The following SLC5A11 variants were observed in gnomAD, a reference collection of about 807,000 sequenced individuals.
SLC5A11 encodes sodium/myo-inositol cotransporter 2.
In SLC5A11, 48 loss-of-function variants were observed where a neutral mutation model predicts 69.8. The ratio of observed to expected loss-of-function variants is 0.69; its 90% CI spans 0.55 to 0.87. The LOEUF (loss-of-function observed/expected upper bound fraction) is 0.87, where lower values mean the gene tolerates loss of function less well. Among genes scored for constraint, SLC5A11 ranks in the 40% least tolerant of loss-of-function variants. SLC5A11 has a pLI of 0.00. For synonymous variants in SLC5A11, 319 were observed against 342.4 expected (o/e 0.93, Z 0.75); for missense variants, 784 against 866.1 (o/e 0.91, Z 1.19).
At chr16:24,882,912 C>G (rs1406075803) in intron 7 of SLC5A11, among the ~76,000 whole-genome samples, 1 of 152,162 alleles carries the variant, frequency 6.6e-6, no homozygotes, top group Non-Finnish European at 1.5e-5. Flanking sequence ...TCCCAAAGTG[C>G]TGGGATTACA....
At chr16:24,889,488 C>T (rs1166906706) in intron 8 of SLC5A11, among the ~76,000 whole-genome samples, 2 of 138,460 alleles carry the variant, frequency 1.4e-5, no homozygotes, top group African/African-American at 5.4e-5. Context: ...TCTCTAAGAA[C>T]AAAACAAAAC....
intron 3 of SLC5A11, among the ~76,000 whole-genome samples, chr16:24,869,510 G>A (rs2047138874): frequency 6.6e-6 from 1 of 152,088 alleles, no homozygotes; most frequent in African/African-American, 2.4e-5. Context: ...AGCAGATCTG[G>A]GGGAGTAACA....
At chr16:24,877,485 G>A (rs554186629) in intron 7 of SLC5A11, 122 bp downstream of exon 8, 34 of 688,042 alleles carry the variant, frequency 4.9e-5, no homozygotes, top group African/African-American at 1.8e-5. Flanking sequence ...TTCATTAAAC[G>A]TCACTCCTTT....
exon 13 of SLC5A11, chr16:24,908,131 G>A (rs1192948053): frequency 6.3e-7 from 1 of 1,584,164 alleles, no homozygotes; most frequent in Non-Finnish European, 8.6e-7. Context: ...CCAATGAAAA[G>A]GTAGCTCTGG....
intron 9 of SLC5A11, among the ~76,000 whole-genome samples, chr16:24,897,007 C>A (rs998350861): frequency 3.1e-5 from 4 of 130,302 alleles, no homozygotes; most frequent in Non-Finnish European, 4.6e-5. Flanking sequence ...GGCTGAAGTG[C>A]AGTGGTGCGA....
chr16:24,906,617 G>A, intron 10 of SLC5A11, 40 bp from the exon 12 acceptor site: 1 of 1,433,902 alleles, frequency 7.0e-7, no homozygotes, highest in Non-Finnish European at 9.6e-7. Flanking sequence ...GGGCTCTGGG[G>A]GCCTGACTGC....
intron 8 of SLC5A11, among the ~76,000 whole-genome samples, chr16:24,890,498 A>G (rs1597204738): frequency 1.3e-5 from 1 of 77,474 alleles, no homozygotes; most frequent in South Asian, 5.9e-4. Flanking sequence ...AAAAAAAAAA[A>G]AAAAAAAAAA....
intron 1 of SLC5A11, among the ~76,000 whole-genome samples, chr16:24,855,750 T>G (rs1241921030): frequency 6.6e-6 from 1 of 152,174 alleles, no homozygotes; most frequent in African/African-American, 2.4e-5. Flanking sequence ...ATCTACCATA[T>G]GAGGACATAG....
chr16:24,879,953 G>C (rs1273883723), intron 7 of SLC5A11, among the ~76,000 whole-genome samples: 5 of 152,056 alleles, frequency 3.3e-5, no homozygotes, highest in Non-Finnish European at 7.4e-5. Context: ...CCATGTCTTT[G>C]CTATTGTGCG....
exon 9 of SLC5A11, chr16:24,890,910 T>G: frequency 1.2e-6 from 2 of 1,614,164 alleles, no homozygotes; most frequent in South Asian, 2.2e-5. Flanking sequence ...GAAGGAGAAG[T>G]ACTTCTTGGC....
chr16:24,896,991 C>T (rs1037696021), intron 9 of SLC5A11, among the ~76,000 whole-genome samples: 16 of 131,550 alleles, frequency 1.2e-4, no homozygotes, highest in African/African-American at 3.2e-4. Context: ...CTCACTCTAT[C>T]GCCCAGGCTG....
chr16:24,905,281 A>AC (rs1229433463), intron 10 of SLC5A11, among the ~76,000 whole-genome samples: 1 of 147,394 alleles, frequency 6.8e-6, no homozygotes, highest in Non-Finnish European at 1.5e-5. Context: ...AAAAAAAAAA[A>AC]AAAAAAAAAA....
At chr16:24,851,752 C>T (rs1037775229) in intron 1 of SLC5A11, among the ~76,000 whole-genome samples, 6 of 152,108 alleles carry the variant, frequency 3.9e-5, no homozygotes, top group Non-Finnish European at 7.4e-5. Context: ...AACCTCATTT[C>T]GTAGATGGGA....
exon 12 of SLC5A11, chr16:24,907,140 T>C (rs756181461): frequency 6.2e-7 from 1 of 1,614,056 alleles, no homozygotes; most frequent in Non-Finnish European, 8.5e-7. Flanking sequence ...ACCTCCGGCC[T>C]CGGGCATCTG....
At chr16:24,908,114 A>G in exon 13 of SLC5A11, 1 of 1,596,716 alleles carries the variant, frequency 6.3e-7, no homozygotes, top group South Asian at 1.1e-5. Flanking sequence ...ATGTTTCTGG[A>G]AGAGGACCAA....
intron 10 of SLC5A11, among the ~76,000 whole-genome samples, chr16:24,903,633 A>T (rs2049809920): frequency 6.6e-6 from 1 of 152,192 alleles, no homozygotes; most frequent in Admixed American, 6.5e-5. Flanking sequence ...TATTTCACTT[A>T]ACATAATATT....
chr16:24,864,318 T>C (rs1304265130), intron 3 of SLC5A11, among the ~76,000 whole-genome samples: 2 of 152,110 alleles, frequency 1.3e-5, no homozygotes, highest in African/African-American at 4.8e-5. Context: ...ACTGGGAAAA[T>C]TATTGGTTTC....
chr16:24,897,835 A>C lies in SLC5A11; in HGVS notation c.871-139A>C, dbSNP rs578251276. 7.5e-6 allele frequency: 8 copies of C among 1,070,472 alleles called. No individual in the cohort carries two copies. The South Asian group carries it at 9.0e-5, about 12-fold the overall frequency. The allele number at this position is 1,070,472 out of a possible 1,614,324, so 66.3% of individuals were successfully genotyped here. On this transcript the variant is annotated intron_variant, in intron 9 of 15. Transcript: ENST00000347898. ...GAACAGTATGGAGGAAACTGCCCCCATGATTCAGTTATCTCCCACTGACTC... is the reference window on the plus strand; with the variant it reads ...GAACAGTATGGAGGAAACTGCCCCCCTGATTCAGTTATCTCCCACTGACTC...
intron 3 of SLC5A11, among the ~76,000 whole-genome samples, chr16:24,863,761 A>C (rs1479148759): frequency 2.0e-5 from 3 of 152,210 alleles, no homozygotes; most frequent in Non-Finnish European, 4.4e-5. Context: ...TCTCAGAAAA[A>C]AACAGTGAGC....
Sources: allele counts gnomAD v4.1 joint callset (sites outside exome capture counted in the v4.1 genomes callset), GRCh38; gene constraint gnomAD v4.1.1; transcripts MANE v1.5; gene names NCBI Gene and HGNC (gene_info 2026-07-23, HGNC 2026-07-21).